CFAP299: variants seen among roughly 807,000 people sequenced by gnomAD.
The protein encoded by CFAP299 is cilia- and flagella-associated protein 299.
Under a neutral mutation model 27.0 loss-of-function variants are expected in CFAP299, and 21 were observed. That is an observed-to-expected ratio of 0.78 (90% CI 0.55 to 1.12). The LOEUF is 1.12. CFAP299 is among the 50% of genes most tolerant of loss of function. CFAP299 has a pLI of 0.00. For synonymous variants in CFAP299, 104 were observed against 98.1 expected, an observed-to-expected ratio of 1.06 and a Z score of -0.36; for missense variants, 310 against 276.6, an observed-to-expected ratio of 1.12 and a Z score of -0.86.
At chr4:80,766,737 T>A (rs1395692364) in intron 3 of CFAP299, among the ~76,000 whole-genome samples, 1 of 152,120 alleles carries the variant, frequency 6.6e-6, no homozygotes, top group Non-Finnish European at 1.5e-5. Context: ...TTAGCATGAA[T>A]GTTAGGATTT....
At chr4:80,553,870 C>G (rs1490668102) in intron 2 of CFAP299, among the ~76,000 whole-genome samples, 1 of 152,026 alleles carries the variant, frequency 6.6e-6, no homozygotes, top group Non-Finnish European at 1.5e-5. Context: ...TGTTTAAGTT[C>G]CTTATAGATG....
intron 3 of CFAP299, among the ~76,000 whole-genome samples, chr4:80,740,835 A>G (rs966040445): frequency 1.3e-5 from 2 of 152,008 alleles, no homozygotes; most frequent in Non-Finnish European, 2.9e-5. Flanking sequence ...CCACCAGTCC[A>G]TGGAGGGTTC....
At chr4:80,918,394 A>C (rs1735864834) in intron 4 of CFAP299, among the ~76,000 whole-genome samples, 1 of 152,158 alleles carries the variant, frequency 6.6e-6, no homozygotes, top group African/African-American at 2.4e-5. Flanking sequence ...TATTTAGCTT[A>C]TCCTTGTTGA....
In CFAP299 at chr4:80,902,592, C is replaced by T. The variant is rs1444078392; in HGVS notation, c.476+32457C>T. On this transcript the variant is annotated intron_variant, in intron 4 of 5. Transcript: ENST00000358105. Reference sequence around the variant, plus strand: ...TCCATATATATGTAATATATACACACACACACACACACACACACACACACA... The same window carrying T: ...TCCATATATATGTAATATATACACATACACACACACACACACACACACACA... 8.9e-3 allele frequency among the ~76,000 whole-genome samples: 1,207 copies of T among 134,988 alleles called. 7 individuals are homozygous for T. Among genetic ancestry groups the T allele is most frequent in the African/African-American group, 0.018 (604 of 33,002 alleles). The allele number at this position is 134,988 out of a possible 152,430, so 88.6% of individuals were successfully genotyped here.
intron 3 of CFAP299, among the ~76,000 whole-genome samples, chr4:80,856,743 G>A (rs1471965746): frequency 6.6e-6 from 1 of 152,068 alleles, no homozygotes; most frequent in Non-Finnish European, 1.5e-5. Context: ...TGAGGGCTCT[G>A]TTCTGTTCCA....
chr4:80,328,042 A>G, the CFAP299 span, among the ~76,000 whole-genome samples: 6 of 152,078 alleles, frequency 3.9e-5, no homozygotes, highest in South Asian at 1.2e-3. Context: ...CCACATCCCT[A>G]TGATTTGAAA....
At chr4:80,676,102 A>G (rs1387369626) in intron 3 of CFAP299, among the ~76,000 whole-genome samples, 1 of 152,200 alleles carries the variant, frequency 6.6e-6, no homozygotes, top group Non-Finnish European at 1.5e-5. Flanking sequence ...AAATGCAGAA[A>G]TCACTGTCTT....
intron 3 of CFAP299, among the ~76,000 whole-genome samples, chr4:80,830,179 A>C (rs555247705): frequency 6.6e-6 from 1 of 152,246 alleles, no homozygotes; most frequent in East Asian, 1.9e-4. Context: ...CACAAAACTA[A>C]GAAAAGTTAT....
intron 2 of CFAP299, among the ~76,000 whole-genome samples, chr4:80,565,643 T>C (rs1205258297): frequency 6.6e-6 from 1 of 152,074 alleles, no homozygotes; most frequent in Non-Finnish European, 1.5e-5. Context: ...TGTATCTAGC[T>C]GGTATCATAC....
intron 2 of CFAP299, among the ~76,000 whole-genome samples, chr4:80,503,339 G>A (rs1027367392): frequency 6.6e-6 from 1 of 151,922 alleles, no homozygotes. Flanking sequence ...TCTTTGCCTG[G>A]ATTGTCTTCC....
chr4:80,569,377 AT>A (rs1735468225), intron 2 of CFAP299, among the ~76,000 whole-genome samples: 1 of 152,138 alleles, frequency 6.6e-6, no homozygotes, highest in Non-Finnish European at 1.5e-5. Flanking sequence ...CTTTATAAAT[AT>A]GCTATAATGT....
intron 2 of CFAP299, among the ~76,000 whole-genome samples, chr4:80,466,498 G>A (rs1166977651): frequency 1.3e-5 from 2 of 152,056 alleles, no homozygotes; most frequent in African/African-American, 4.8e-5. Context: ...AAAGTATCTT[G>A]AGCCATATTT....
intron 3 of CFAP299, among the ~76,000 whole-genome samples, chr4:80,780,963 A>T (rs1726842682): frequency 6.6e-6 from 1 of 151,858 alleles, no homozygotes; most frequent in Middle Eastern, 3.2e-3. Context: ...TTCTTCCATA[A>T]GAAATTTATA....
At chr4:80,482,782 G>A (rs187373364) in intron 2 of CFAP299, among the ~76,000 whole-genome samples, 408 of 152,238 alleles carry the variant, frequency 2.7e-3, no homozygotes, top group South Asian at 0.018. Context: ...ATTAAATACC[G>A]AAGCTAAAAT....
At chr4:80,624,682 A>G (rs1385429465) in intron 3 of CFAP299, among the ~76,000 whole-genome samples, 1 of 152,066 alleles carries the variant, frequency 6.6e-6, no homozygotes, top group Non-Finnish European at 1.5e-5. Flanking sequence ...TTTTAAAAAT[A>G]TTATGACCAA....
intron 3 of CFAP299, among the ~76,000 whole-genome samples, chr4:80,615,698 T>G (rs1352077): frequency 6.6e-6 from 1 of 152,070 alleles, no homozygotes; most frequent in African/African-American, 2.4e-5. Flanking sequence ...CACCATGCCC[T>G]GCTTAGGCAT....
At chr4:80,848,062 T>G (rs900701075) in intron 3 of CFAP299, among the ~76,000 whole-genome samples, 1 of 151,438 alleles carries the variant, frequency 6.6e-6, no homozygotes, top group African/African-American at 2.4e-5. Flanking sequence ...AATACAAAAA[T>G]TAGCTGAGTG....
chr4:80,470,763 A>G (rs1729954369), intron 2 of CFAP299, among the ~76,000 whole-genome samples: 2 of 152,214 alleles, frequency 1.3e-5, no homozygotes, highest in Admixed American at 6.5e-5. Flanking sequence ...TCTTTCATCC[A>G]GCAGAACATT....
chr4:80,648,083 G>A (rs1577972619), intron 3 of CFAP299, among the ~76,000 whole-genome samples: 1 of 152,248 alleles, frequency 6.6e-6, no homozygotes, highest in African/African-American at 2.4e-5. Flanking sequence ...ATGTTTTTAA[G>A]AAAAGTTAGT....
Sources: gnomAD v4.1 joint callset for allele counts (sites outside exome capture counted in the v4.1 genomes callset) on GRCh38, gnomAD v4.1.1 for gene constraint, MANE v1.5 for transcripts, NCBI Gene and HGNC (gene_info 2026-07-23, HGNC 2026-07-21) for gene names.